Variants in PHF24 observed in about 807,000 individuals in gnomAD.
PHF24 encodes Galpha inhibitory interacting protein.
Under a neutral mutation model 42.6 loss-of-function variants are expected in PHF24, and 25 were observed. The ratio of observed to expected loss-of-function variants is 0.59; its 90% confidence interval spans 0.43 to 0.82. The LOEUF is 0.82. PHF24 is among the 40% of genes least tolerant of loss of function. The pLI is 0.00. For missense variants in PHF24, 470 were observed against 538.1 expected (o/e 0.87, Z 1.25); for synonymous variants, 185 against 204.8 (o/e 0.90, Z 0.83).
chr9:34,836,197 T>C, the PHF24 span: 27 of 364,610 alleles, frequency 7.4e-5, no homozygotes, highest in East Asian at 2.0e-3. Context: ...CTACTTTTCT[T>C]CTTAAGAAAA....
the PHF24 span, among the ~76,000 whole-genome samples, chr9:34,938,363 T>A: frequency 1.2e-4 from 18 of 152,330 alleles, no homozygotes; most frequent in Admixed American, 2.0e-4. Context: ...TTTCACGTTA[T>A]GTTACAAATG....
the PHF24 span, among the ~76,000 whole-genome samples, chr9:34,898,046 T>C: frequency 6.6e-6 from 1 of 152,214 alleles, no homozygotes; most frequent in Admixed American, 6.5e-5. Context: ...CATATATATA[T>C]ACCACAGTTT....
the PHF24 span, among the ~76,000 whole-genome samples, chr9:34,849,946 T>C: frequency 2.6e-5 from 4 of 152,238 alleles, no homozygotes; most frequent in African/African-American, 9.7e-5. Flanking sequence ...CTCTTCTGGC[T>C]TGTAGAGTTT....
chr9:34,970,578 G>A (rs747771938), intron 1 of PHF24, among the ~76,000 whole-genome samples: 2 of 152,170 alleles, frequency 1.3e-5, no homozygotes, highest in Non-Finnish European at 2.9e-5. Context: ...TAAAAAGTAG[G>A]CATTTGATGA....
chr9:34,764,537 TG>T, the PHF24 span, among the ~76,000 whole-genome samples: 2 of 152,066 alleles, frequency 1.3e-5, no homozygotes, highest in Non-Finnish European at 2.9e-5. Context: ...GTGGGATCGG[TG>T]GTGATATCCC....
At chr9:34,958,252 G>GCCA (rs1826452944), upstream of PHF24, 4 of 150,740 alleles carry the variant, frequency 2.7e-5, no homozygotes, top group South Asian at 5.4e-4. This position sits in a 1 kb window ranked among gnomAD's most constrained non-coding sequence, Gnocchi z 4.5. Context: ...CGCCGCCGCC[G>GCCA]CCGCCTCCTC....
At chr9:34,925,234 G>A in the PHF24 span, among the ~76,000 whole-genome samples, 1 of 152,122 alleles carries the variant, frequency 6.6e-6, no homozygotes, top group Non-Finnish European at 1.5e-5. Flanking sequence ...TCCGCTGTTA[G>A]TGGGGCCCCT....
At chr9:34,851,051 C>T in the PHF24 span, among the ~76,000 whole-genome samples, 1 of 152,134 alleles carries the variant, frequency 6.6e-6, no homozygotes, top group Admixed American at 6.5e-5. Flanking sequence ...GGTCAGGGGT[C>T]AGGGACCCAC....
intron 3 of PHF24, among the ~76,000 whole-genome samples, chr9:34,975,695 AC>A (rs1827160302): frequency 6.6e-6 from 1 of 151,546 alleles, no homozygotes; most frequent in Admixed American, 6.6e-5. Flanking sequence ...CTAGGATTAA[AC>A]TTTTTTTTTT....
At chr9:34,917,116 T>C in the PHF24 span, 2 of 803,136 alleles carry the variant, frequency 2.5e-6, no homozygotes, top group Admixed American at 1.7e-5. Context: ...TCTCCTCACC[T>C]CGCTCTCGCG....
At chr9:34,852,001 A>T in the PHF24 span, among the ~76,000 whole-genome samples, 510 of 152,206 alleles carry the variant, frequency 3.4e-3, 1 homozygote, top group South Asian at 0.018. Flanking sequence ...ACTGCATGGG[A>T]TCCACTTATT....
the PHF24 span, among the ~76,000 whole-genome samples, chr9:34,696,904 G>A: frequency 6.6e-5 from 10 of 152,128 alleles, no homozygotes; most frequent in South Asian, 4.1e-4. Flanking sequence ...CTCCAGGCCC[G>A]TAGCAAGTTT....
chr9:34,720,468 A>C, the PHF24 span, among the ~76,000 whole-genome samples: 7 of 148,288 alleles, frequency 4.7e-5, no homozygotes, highest in Non-Finnish European at 6.0e-5. Flanking sequence ...AAAACAAAAC[A>C]AAACAAAAAA....
intron 3 of PHF24, 51 bp from the exon 4 acceptor site, chr9:34,976,101 C>A: frequency 7.7e-7 from 1 of 1,296,080 alleles, no homozygotes; most frequent in Non-Finnish European, 1.1e-6. Flanking sequence ...TTGACCCTGG[C>A]CTTTCTTACT....
the PHF24 span, among the ~76,000 whole-genome samples, chr9:34,736,092 T>C: frequency 9.9e-5 from 15 of 151,534 alleles, no homozygotes; most frequent in Middle Eastern, 3.4e-3. Flanking sequence ...GAGGAAAAAA[T>C]AAGTGAACCT....
the PHF24 span, among the ~76,000 whole-genome samples, chr9:34,743,902 G>A: frequency 2.0e-5 from 3 of 152,162 alleles, no homozygotes; most frequent in Non-Finnish European, 2.9e-5. Context: ...GAGTCGTCCC[G>A]TGGTGGAAGG....
At chr9:34,684,526 T>C in the PHF24 span, among the ~76,000 whole-genome samples, 1 of 152,174 alleles carries the variant, frequency 6.6e-6, no homozygotes, top group Non-Finnish European at 1.5e-5. Context: ...GAATGGTGGC[T>C]TGATAGTAAT....
chr9:34,739,004 GA>G, the PHF24 span, among the ~76,000 whole-genome samples: 1 of 152,200 alleles, frequency 6.6e-6, no homozygotes, highest in Non-Finnish European at 1.5e-5. Flanking sequence ...TTCCGAGCCA[GA>G]ACACTTCTAT....
At chr9:34,849,897 A>G in the PHF24 span, among the ~76,000 whole-genome samples, 1 of 152,024 alleles carries the variant, frequency 6.6e-6, no homozygotes, top group Non-Finnish European at 1.5e-5. Context: ...CTGGGTTGAA[A>G]ATTCTTGTCT....
Sources: gnomAD v4.1 joint callset for allele counts (sites outside exome capture counted in the v4.1 genomes callset) on GRCh38, gnomAD v4.1.1 for gene constraint, Gnocchi (gnomAD v3.1) non-coding constraint, MANE v1.5 for transcripts, NCBI Gene and HGNC (gene_info 2026-07-23, HGNC 2026-07-21) for gene names.